The following KIF26B variants were observed in gnomAD, a reference collection of about 807,000 sequenced individuals.
The protein encoded by KIF26B is kinesin family member 26B.
KIF26B carries 63 observed loss-of-function variants against 151.2 expected under a neutral mutation model. The ratio of observed to expected loss-of-function variants is 0.42; its 90% CI spans 0.34 to 0.51. The LOEUF is 0.51. KIF26B is among the 20% of genes least tolerant of loss of function. KIF26B has a pLI of 0.07. For synonymous variants in KIF26B, 1,357 were observed against 1,262.1 expected, an observed-to-expected ratio of 1.08 and a Z score of -1.59; for missense variants, 2,813 against 2,913.6, an observed-to-expected ratio of 0.97 and a Z score of 0.79.
At chr1:245,527,558 G>C (rs947301191) in intron 4 of KIF26B, among the ~76,000 whole-genome samples, 2 of 18,958 alleles carry the variant, frequency 1.1e-4, no homozygotes, top group African/African-American at 4.5e-4. Context: ...TTTTGAGATG[G>C]AGTCTGGCTA....
chr1:245,641,084 A>T (rs568830518), intron 9 of KIF26B, among the ~76,000 whole-genome samples: 1 of 152,252 alleles, frequency 6.6e-6, no homozygotes, highest in African/African-American at 2.4e-5. Flanking sequence ...TTTCTGAGGA[A>T]TAACTGCTTG....
At chr1:245,507,404 G>A (rs1036322545) in intron 4 of KIF26B, among the ~76,000 whole-genome samples, 2 of 152,210 alleles carry the variant, frequency 1.3e-5, no homozygotes, top group African/African-American at 2.4e-5. Flanking sequence ...GCCCCACAGG[G>A]AAGCGCTGGA....
At chr1:245,438,004 T>C (rs1489311845) in intron 4 of KIF26B, among the ~76,000 whole-genome samples, 14 of 152,358 alleles carry the variant, frequency 9.2e-5, no homozygotes, top group African/African-American at 3.4e-4. Context: ...TCTCTCGTTT[T>C]ATTTTTTCTA....
At chr1:245,585,275 T>C (rs940921979) in intron 5 of KIF26B, among the ~76,000 whole-genome samples, 15 of 152,226 alleles carry the variant, frequency 9.9e-5, no homozygotes, top group African/African-American at 3.6e-4. Flanking sequence ...TGTGTGCGTA[T>C]GTGAAACCAA....
intron 10 of KIF26B, among the ~76,000 whole-genome samples, chr1:245,674,524 A>T (rs2044333493): frequency 6.6e-6 from 1 of 152,202 alleles, no homozygotes; most frequent in East Asian, 1.9e-4. Context: ...TCATTAGAAT[A>T]TGTAAGTTTT....
At chr1:245,587,486 T>G (rs988329795) in intron 5 of KIF26B, among the ~76,000 whole-genome samples, 1 of 152,086 alleles carries the variant, frequency 6.6e-6, no homozygotes, top group African/African-American at 2.4e-5. Context: ...CTAGACTCAT[T>G]TGGGGAGTGG....
chr1:245,390,943 A>AAAACAAAACAAAACAAAACAAAACAAAAC (rs1553270129), intron 3 of KIF26B, among the ~76,000 whole-genome samples: 2 of 118,412 alleles, frequency 1.7e-5, no homozygotes, highest in African/African-American at 8.2e-5. Flanking sequence ...AAAAAAAAAA[A>AAAACAAAACAAAACAAAACAAAACAAAAC]AAAAAAAAAC....
chr1:245,268,946 G>A (rs7536749), intron 2 of KIF26B, among the ~76,000 whole-genome samples: 73,124 of 151,804 alleles, frequency 0.48, 17,940 homozygotes, highest in East Asian at 0.59. Flanking sequence ...CCACAGCTGT[G>A]TATACATGTG....
chr1:245,651,072 G>A (rs34545337), intron 10 of KIF26B, among the ~76,000 whole-genome samples: 15,546 of 152,188 alleles, frequency 0.1, 923 homozygotes, highest in Non-Finnish European at 0.12. Context: ...AGCAAACACC[G>A]CAGGCAACAT....
chr1:245,685,710 A>T lies in KIF26B; in HGVS notation c.2727A>T (p.Gly909=), dbSNP rs767157453. ...GCGACAGCCGGCCCGCAGAGGCAGG[A>T]GAGGCTGCAGCCGGCAAGTCAGAAA... ...TRGDSRPAEA[G]EAAAGKSERD... Residue 909 remains glycine, a synonymous_variant, in exon 12 of 15, where the codon GGA becomes GGT. Coordinates refer to ENST00000407071, the MANE Select transcript of KIF26B (RefSeq NM_018012.4). The T allele has an allele frequency of 6.2e-7, 1 of 1,611,690 alleles. No homozygotes were observed. Among genetic ancestry groups the T allele is most frequent in the Non-Finnish European group, 8.5e-7 (1 of 1,179,194 alleles).
intron 4 of KIF26B, among the ~76,000 whole-genome samples, chr1:245,472,900 C>G (rs946865011): frequency 1.3e-5 from 2 of 152,342 alleles, no homozygotes; most frequent in Admixed American, 6.5e-5. Flanking sequence ...CCAGACTGGG[C>G]ACAAAGTTAT....
chr1:245,324,963 CA>C (rs1177280831), intron 2 of KIF26B, among the ~76,000 whole-genome samples: 1 of 151,758 alleles, frequency 6.6e-6, no homozygotes, highest in African/African-American at 2.4e-5. Flanking sequence ...GGTGTGGTGG[CA>C]TGCACCTGTA....
At chr1:245,426,185 C>G (rs1168941146) in intron 4 of KIF26B, among the ~76,000 whole-genome samples, 1 of 151,648 alleles carries the variant, frequency 6.6e-6, no homozygotes, top group Admixed American at 6.6e-5. Flanking sequence ...CTCTCTCTCC[C>G]CCTTCCTCTC....
intron 2 of KIF26B, among the ~76,000 whole-genome samples, chr1:245,321,084 A>G (rs79200524): frequency 1.3e-5 from 2 of 152,274 alleles, no homozygotes; most frequent in African/African-American, 2.4e-5. Context: ...AAAAAATCAC[A>G]TATCCACCAT....
chr1:245,222,524 G>A (rs755084267), intron 2 of KIF26B, among the ~76,000 whole-genome samples: 28 of 152,224 alleles, frequency 1.8e-4, no homozygotes, highest in African/African-American at 6.7e-4. Context: ...GAAAGAACTA[G>A]AAGAAAATAT....
At chr1:245,593,517 C>T (rs2103138578) in intron 5 of KIF26B, among the ~76,000 whole-genome samples, 1 of 152,320 alleles carries the variant, frequency 6.6e-6, no homozygotes, top group East Asian at 1.9e-4. Context: ...TTTTTTATGG[C>T]TGCATAGTAT....
In KIF26B at chr1:245,686,407, G is replaced by T. The variant is rs1303879104; in HGVS notation, c.3424G>T (p.Ala1142Ser). Residue 1142 changes from alanine (A) to serine (S), a missense_variant, in exon 12 of 15, where the codon GCT (alanine) becomes TCT (serine). Around this residue, in one of 3 missense-constraint regions of KIF26B, gnomAD observed 2,060 missense variants for 2,088.6 expected, o/e 0.99. Transcript: ENST00000407071. The surrounding 1 kb of genome is among the most constrained non-coding windows in gnomAD (Gnocchi z 5.6). ...SPQVLKKSMSAGSEGFPETPV... is the reference protein window; with the variant it reads ...SPQVLKKSMSSGSEGFPETPV... ...CCAGGTTTTGAAAAAATCCATGTCT[G>T]CTGGGAGCGAAGGGTTCCCGGAAAC... is the stretch of plus-strand genomic sequence containing the variant. 1.9e-5 allele frequency: 30 copies of T among 1,613,360 alleles called. No individual in the cohort carries two copies. The highest frequency in any genetic ancestry group is 2.5e-5 in the Non-Finnish European group (29 of 1,179,904).
chr1:245,577,239 T>C (rs2043126785), intron 5 of KIF26B, among the ~76,000 whole-genome samples: 1 of 152,270 alleles, frequency 6.6e-6, no homozygotes, highest in African/African-American at 2.4e-5. Context: ...TGGTGCACTG[T>C]AGGGCATTTC....
At chr1:245,453,588 G>C (rs1045070055) in intron 4 of KIF26B, among the ~76,000 whole-genome samples, 1 of 152,076 alleles carries the variant, frequency 6.6e-6, no homozygotes, top group East Asian at 1.9e-4. Flanking sequence ...TTTTGAAAGC[G>C]GTTGCCATGT....
Sources: gnomAD v4.1 joint callset for allele counts (sites outside exome capture counted in the v4.1 genomes callset) on GRCh38, gnomAD v4.1.1 for gene constraint, gnomAD v4.1.1 regional missense constraint, Gnocchi (gnomAD v3.1) non-coding constraint, MANE v1.5 for transcripts, NCBI Gene and HGNC (gene_info 2026-07-23, HGNC 2026-07-21) for gene names.